The following CD44 variants were observed in gnomAD, a reference collection of about 807,000 sequenced individuals.
CD44 encodes CD44 molecule (IN blood group), also known as CD44 antigen.
Under a neutral mutation model 88.8 loss-of-function variants are expected in CD44, and 49 were observed. The observed-to-expected ratio is 0.55, with a 90% CI of 0.44 to 0.70. The LOEUF is 0.70. Ranked by LOEUF, CD44 falls within the 30% of genes least tolerant of loss-of-function variation. The pLI is 0.00. For missense variants in CD44, 883 were observed against 913.8 expected (o/e 0.97, Z 0.43); for synonymous variants, 325 against 312.3 (o/e 1.04, Z -0.43).
At chr11:35,166,590 A>C (rs1349325951) in intron 1 of CD44, among the ~76,000 whole-genome samples, 1 of 152,220 alleles carries the variant, frequency 6.6e-6, no homozygotes, top group South Asian at 2.1e-4. Context: ...CCAATGTGAC[A>C]GGCCCCTCCA....
chr11:35,229,371 A>C lies in CD44; in HGVS notation c.*38A>C. The C allele has an allele frequency of 7.5e-7, 1 of 1,338,534 alleles. No homozygotes were observed. Among genetic ancestry groups the C allele is most frequent in the South Asian group, 1.2e-5 (1 of 84,116 alleles). The allele number at this position is 1,338,534 out of a possible 1,614,324, so 82.9% of individuals were successfully genotyped here. ...TATCTTGGAAAGAAACAACCGTTGG[A>C]AACATAACCATTACAGGGAGCTGGG... On this transcript the variant is annotated 3_prime_UTR_variant, in exon 18 of 18. Transcript: ENST00000428726.
intron 3 of CD44, among the ~76,000 whole-genome samples, chr11:35,183,129 G>A (rs1016780002): frequency 1.3e-5 from 2 of 152,122 alleles, no homozygotes; most frequent in African/African-American, 2.4e-5. Flanking sequence ...AAATAATAAA[G>A]CTAGAAGTAA....
At chr11:35,206,669 T>TGGGGGG (rs57972216) in intron 11 of CD44, among the ~76,000 whole-genome samples, 10 of 146,068 alleles carry the variant, frequency 6.8e-5, no homozygotes, top group South Asian at 2.2e-4. Context: ...TGGGGGTTGG[T>TGGGGGG]GGGGGGGGCA....
At position 35,208,205 on chromosome 11, in the gene CD44, G is replaced by T; in HGVS notation, c.1515G>T (p.Thr505=). 1 of 1,601,292 alleles carries T rather than the reference G, an allele frequency of 6.2e-7. No individual in the cohort carries two copies. Residue 505 remains threonine, a splice_region_variant and synonymous_variant, in exon 12 of 18, where the codon ACG becomes ACT. Transcript: ENST00000428726. ...LDRTGPLSMT[T]QQSNSQSFST... ...GGACAGGACCTCTTTCAATGACAAC[G>T]CGTAAGAATAACGATGCTCAGCCAC...
At chr11:35,219,116 A>G (rs1477756100) in intron 15 of CD44, 200 bp from the exon 16 acceptor site, 1 of 574,310 alleles carries the variant, frequency 1.7e-6, no homozygotes, top group Non-Finnish European at 3.1e-6. Flanking sequence ...ACACAAAATA[A>G]CATTACTAAG....
chr11:35,214,858 A>C lies in CD44; in HGVS notation c.1817A>C (p.Gln606Pro). The change falls in exon 15 of 18, where the codon CAA (glutamine) becomes CCA (proline). Residue 606 changes from glutamine to proline, a missense_variant. Around this residue, in one of 2 missense-constraint regions of CD44, gnomAD observed 631 missense variants for 590.9 expected, o/e 1.07. Transcript: ENST00000428726. Reference protein sequence around the residue: ...SNVNRSLSGDQDTFHPSGGSH... With the variant: ...SNVNRSLSGDPDTFHPSGGSH... ...TCCTGATTGCTCATTACAGGAGACC[A>C]AGACACATTCCACCCCAGTGGGGGG... 1 of 1,553,020 alleles carries C rather than the reference A, an allele frequency of 6.4e-7. No individual in the cohort carries two copies. The highest frequency in any genetic ancestry group is 8.7e-7 in the Non-Finnish European group (1 of 1,149,248).
chr11:35,195,707 T>C (rs958360752), intron 5 of CD44, among the ~76,000 whole-genome samples: 13 of 152,128 alleles, frequency 8.5e-5, no homozygotes, highest in Non-Finnish European at 1.8e-4. Context: ...TTATTGGTTA[T>C]AGAAATGGCA....
chr11:35,145,179 T>C (rs1021865110), intron 1 of CD44, among the ~76,000 whole-genome samples: 4 of 152,240 alleles, frequency 2.6e-5, no homozygotes, highest in Non-Finnish European at 5.9e-5. Flanking sequence ...TATCTTCTCC[T>C]GTCTTCTGCA....
rs537899515 is a variant in CD44 at position 35,206,307 on chromosome 11, T to C, written c.1414+64T>C. 8.1e-5 allele frequency: 121 copies of C among 1,493,440 alleles called. 2 individuals carry two copies. In the South Asian group the frequency reaches 1.0e-3, roughly 13 times the overall value. 92.5% of individuals were successfully genotyped at this position (1,493,440 alleles called of 1,614,324 possible). A position where few individuals can be genotyped will look rare whatever the true frequency, so the allele number is the denominator to read the frequency against. On this transcript the variant is annotated intron_variant, in intron 11 of 17. Coordinates refer to ENST00000428726, the MANE Select transcript of CD44 (RefSeq NM_000610.4). ...AAATCCACTGAGTGACTGCTGACTA[T>C]TTTTCTAGAAATATGCCCTTGGTTT...
At chr11:35,218,357 T>C (rs1479127464) in intron 15 of CD44, among the ~76,000 whole-genome samples, 1 of 152,084 alleles carries the variant, frequency 6.6e-6, no homozygotes, top group Non-Finnish European at 1.5e-5. Flanking sequence ...TGAGGTGGAG[T>C]CTCGCTCTGT....
At chr11:35,189,555 C>G (rs1024028221) in intron 4 of CD44, among the ~76,000 whole-genome samples, 1 of 152,186 alleles carries the variant, frequency 6.6e-6, no homozygotes, top group African/African-American at 2.4e-5. Flanking sequence ...AATGAGGAAA[C>G]TGAAGCTCAG....
chr11:35,182,642 C>T (rs565116487), intron 3 of CD44, among the ~76,000 whole-genome samples: 2 of 152,210 alleles, frequency 1.3e-5, no homozygotes, highest in East Asian at 3.9e-4. Flanking sequence ...CATAGAGCAA[C>T]ATGTGGTCTA....
chr11:35,162,507 G>A lies in CD44; in HGVS notation c.68-14068G>A, dbSNP rs375686439. 7.2e-5 allele frequency among the ~76,000 whole-genome samples: 11 copies of A among 152,330 alleles called. No homozygotes were observed. The East Asian group carries it at 1.3e-3, about 19-fold the overall frequency. ...GGCCTGCTTCAGCTAAGCATGGAAT[G>A]GTAAAGATTTTGGTCCAAACCCTGT... On this transcript the variant is annotated intron_variant, in intron 1 of 17. Transcript: ENST00000428726.
At chr11:35,184,584 G>C (rs1945469863) in intron 3 of CD44, among the ~76,000 whole-genome samples, 1 of 152,130 alleles carries the variant, frequency 6.6e-6, no homozygotes, top group Non-Finnish European at 1.5e-5. Flanking sequence ...ATTTTCAAGT[G>C]TAATAATTTT....
At position 35,145,289 on chromosome 11, in the gene CD44, T is replaced by A. The variant is rs549208744; in HGVS notation, c.67+5919T>A. Among the ~76,000 whole-genome samples the A allele has an allele frequency of 3.0e-4, 46 of 152,302 alleles. No homozygotes were observed. In the South Asian group the frequency reaches 9.5e-3, roughly 32 times the overall value. On this transcript the variant is annotated intron_variant, in intron 1 of 17. Coordinates refer to ENST00000428726, the MANE Select transcript of CD44 (RefSeq NM_000610.4). Reference sequence around the variant, plus strand: ...CCCATAACTGTTGAACTGCAATGAATGTCTAGAATATAAAAGTCATGATAT... The same window carrying A: ...CCCATAACTGTTGAACTGCAATGAAAGTCTAGAATATAAAAGTCATGATAT...
intron 17 of CD44, 64 bp downstream of exon 17, chr11:35,221,796 C>T: frequency 7.2e-7 from 1 of 1,392,764 alleles, no homozygotes; most frequent in Non-Finnish European, 1.0e-6. Flanking sequence ...GGCTTTATAT[C>T]CTTGCTGCTC....
At chr11:35,208,636 T>TAG (rs1429785226) in intron 12 of CD44, among the ~76,000 whole-genome samples, 1 of 152,190 alleles carries the variant, frequency 6.6e-6, no homozygotes, top group African/African-American at 2.4e-5. Flanking sequence ...CAGATAATCC[T>TAG]AGAGATCACA....
chr11:35,140,998 G>A (rs940562386), intron 1 of CD44, among the ~76,000 whole-genome samples: 5 of 149,786 alleles, frequency 3.3e-5, no homozygotes, highest in Non-Finnish European at 7.5e-5. Context: ...TCCAGCCTGG[G>A]TGACAAAGCG....
intron 4 of CD44, 43 bp downstream of exon 4, chr11:35,186,943 G>C: frequency 8.4e-7 from 1 of 1,183,990 alleles, no homozygotes; most frequent in Non-Finnish European, 1.3e-6. Context: ...CCTATTTTGG[G>C]GAAAGGGCTC....
Sources: gnomAD v4.1 joint callset for allele counts (sites outside exome capture counted in the v4.1 genomes callset) on GRCh38, gnomAD v4.1.1 for gene constraint, gnomAD v4.1.1 regional missense constraint, MANE v1.5 for transcripts, NCBI Gene and HGNC (gene_info 2026-07-23, HGNC 2026-07-21) for gene names.